Variants in MYBPC2 observed in about 807,000 individuals in gnomAD.
MYBPC2 encodes myosin-binding protein C, fast-type.
Under a neutral mutation model 137.0 loss-of-function variants are expected in MYBPC2, and 122 were observed. The observed-to-expected ratio is 0.89, with a 90% CI of 0.77 to 1.03. MYBPC2 has a LOEUF of 1.03. MYBPC2 is among the 50% of genes least tolerant of loss of function. MYBPC2 has a pLI of 0.00. For synonymous variants in MYBPC2, 626 were observed against 612.3 expected, an observed-to-expected ratio of 1.02 and a Z score of -0.33; for missense variants, 1,500 against 1,534.4, an observed-to-expected ratio of 0.98 and a Z score of 0.37.
rs766331847 is a variant in MYBPC2, at chr19:50,466,163, C to G, written c.3416-32C>G. On this transcript the variant is annotated intron_variant, in intron 27 of 27. Transcript: ENST00000357701. The surrounding 1 kb of genome is among the most constrained non-coding windows in gnomAD (Gnocchi z 4.9). ...GGCTTCAGGAGGAGGCGTGCCCGGG[C>G]CTGGCTCACCCGCTTTCTCGTTTTC... 6.2e-7 allele frequency: 1 copy of G among 1,613,318 alleles called. No individual in the cohort carries two copies. The highest frequency in any genetic ancestry group is 1.3e-5 in the African/African-American group (1 of 74,890).
chr19:50,448,391 G>C lies in MYBPC2; in HGVS notation c.1472+1G>C. 6.2e-7 allele frequency: 1 copy of C among 1,613,328 alleles called. No individual in the cohort carries two copies. Among genetic ancestry groups the C allele is most frequent in the Non-Finnish European group, 8.5e-7 (1 of 1,179,408 alleles). Reference sequence around the variant, plus strand: ...GGATCACCATTTCCCATGTAGGCAGGTGAGGAGTGGGCTGCAGAAGTGGCT... The same window carrying C: ...GGATCACCATTTCCCATGTAGGCAGCTGAGGAGTGGGCTGCAGAAGTGGCT... On this transcript the variant is annotated splice_donor_variant, in intron 13 of 27. Transcript: ENST00000357701. LOFTEE classifies it high-confidence loss of function.
rs868504092 is a variant in MYBPC2 at position 50,442,196 on chromosome 19, TG to T, written c.787del (p.Asp263IlefsTer14). 6.3e-7 allele frequency: 1 copy of T among 1,595,632 alleles called. No homozygotes were observed. Among genetic ancestry groups the T allele is most frequent in the African/African-American group, 1.3e-5 (1 of 74,498 alleles). ...VKKSAAFTKK[L>X]DPAYQVDRGN... ...CAATCTTCAGCATTCACAAAGAAGC[TG>T]GATCCAGCCTACCAAGTGGACAGAG... On this transcript the variant is annotated frameshift_variant, in exon 9 of 28. Coordinates refer to ENST00000357701, the MANE Select transcript of MYBPC2 (RefSeq NM_004533.4). LOFTEE classifies it high-confidence loss of function.
chr19:50,437,671 G>T lies in MYBPC2; in HGVS notation c.525G>T (p.Lys175Asn). 1.2e-6 allele frequency: 2 copies of T among 1,604,834 alleles called. No individual in the cohort carries two copies. Among genetic ancestry groups the T allele is most frequent in the Non-Finnish European group, 1.7e-6 (2 of 1,175,592 alleles). Reference protein sequence around the residue: ...LESFKRTSEKKSDTAGELDFS... With the variant: ...LESFKRTSEKNSDTAGELDFS... ...TCAATGGCCACAGGAGTGAAAAGAA[G>T]TCGGATACTGCAGGTGAGCTGGATT... Residue 175 changes from lysine (K) to asparagine (N), a missense_variant, in exon 7 of 28, where the codon AAG becomes AAT. By Grantham distance (94) the Lys-to-Asn change is moderately conservative (BLOSUM62 0). Coordinates refer to ENST00000357701, the MANE Select transcript of MYBPC2 (RefSeq NM_004533.4).
intron 6 of MYBPC2, 64 bp downstream of exon 6, chr19:50,437,585 A>T: frequency 6.3e-7 from 1 of 1,589,232 alleles, no homozygotes. Context: ...TTGGAAGGGG[A>T]AAAAGGGAGG....
Position 50,436,721 on chromosome 19 carries a change from CA to C in MYBPC2, c.451del (p.Ile151SerfsTer15). The C allele has an allele frequency of 6.2e-7, 1 of 1,613,840 alleles. No individual in the cohort carries two copies. The highest frequency in any genetic ancestry group is 2.2e-5 in the East Asian group (1 of 44,876). ...ACACCTGTGACAGCTGTGGCTTCAA[CA>C]TCGATGTGGAGGGTATGCTGGTGGG... is the stretch of plus-strand genomic sequence containing the variant. ...KDTCDSCGFN[I>X]DVEAPRQDAS... is the part of the protein sequence containing the mutation. On this transcript the variant is annotated frameshift_variant, in exon 5 of 28. Transcript: ENST00000357701. LOFTEE classifies it high-confidence loss of function.
At chr19:50,440,052 T>G (rs2039736875) in intron 7 of MYBPC2, among the ~76,000 whole-genome samples, 1 of 151,950 alleles carries the variant, frequency 6.6e-6, no homozygotes, top group South Asian at 2.1e-4. Context: ...CAGGTGACTT[T>G]GGGGGGAGTG....
At chr19:50,463,233 G>A (rs972291467) in intron 26 of MYBPC2, among the ~76,000 whole-genome samples, 5 of 152,158 alleles carry the variant, frequency 3.3e-5, no homozygotes, top group African/African-American at 9.7e-5. Context: ...TGCGTGGCTC[G>A]CGTTCCAGGC....
intron 14 of MYBPC2, 41 bp downstream of exon 14, chr19:50,450,976 C>G (rs1361955340): frequency 6.6e-7 from 1 of 1,525,110 alleles, no homozygotes; most frequent in Non-Finnish European, 8.9e-7. Flanking sequence ...GCTGTAGGAT[C>G]CACCCTCGCA....
chr19:50,434,599 G>A (rs900113176), intron 1 of MYBPC2, among the ~76,000 whole-genome samples: 1 of 152,182 alleles, frequency 6.6e-6, no homozygotes, highest in Admixed American at 6.5e-5. Flanking sequence ...TTCTTTGAAT[G>A]GGGAACACTT....
intron 27 of MYBPC2, 77 bp downstream of exon 27, chr19:50,464,609 G>A (rs1018273866): frequency 1.9e-5 from 27 of 1,437,866 alleles, no homozygotes; most frequent in African/African-American, 4.3e-5. Flanking sequence ...GCCCCGGGCT[G>A]AGCACCGCTG....
intron 15 of MYBPC2, 54 bp downstream of exon 15, chr19:50,451,363 G>A (rs2039856043): frequency 1.3e-6 from 2 of 1,588,066 alleles, no homozygotes; most frequent in Admixed American, 1.7e-5. Context: ...GGACCGGGCT[G>A]AGGGAGGAGG....
At chr19:50,442,366 A>G (rs2039764281) in intron 9 of MYBPC2, 53 bp downstream of exon 9, 3 of 1,580,060 alleles carry the variant, frequency 1.9e-6, no homozygotes, top group Non-Finnish European at 2.6e-6. Context: ...TCCAGAGAGA[A>G]CGCCCGGAGA....
intron 1 of MYBPC2, among the ~76,000 whole-genome samples, chr19:50,434,659 T>G (rs955490859): frequency 1.3e-4 from 20 of 152,212 alleles, no homozygotes; most frequent in African/African-American, 4.3e-4. Context: ...GCAGGAATCA[T>G]GCACCGCTGG....
intron 27 of MYBPC2, 27 bp downstream of exon 27, chr19:50,464,559 G>A (rs1164998707): frequency 6.3e-7 from 1 of 1,576,704 alleles, no homozygotes; most frequent in South Asian, 1.2e-5. Context: ...CCCCAACACT[G>A]GCTGACCCTT....
chr19:50,450,883 G>T lies in MYBPC2; in HGVS notation c.1527G>T (p.Thr509=), dbSNP rs200711489. 1.1e-5 allele frequency: 18 copies of T among 1,580,302 alleles called. No homozygotes were observed. Among genetic ancestry groups the T allele is most frequent in the Non-Finnish European group, 1.5e-5 (17 of 1,163,504 alleles). Residue 509 remains threonine (T), a synonymous_variant, in exon 14 of 28, where the codon ACG becomes ACT. Coordinates refer to ENST00000357701, the MANE Select transcript of MYBPC2 (RefSeq NM_004533.4). ...GCCCCGAGGATGAGGGAGACTACACGTTTGTGCCTGACGGCTACGCCCTGT... is the reference window on the plus strand; with the variant it reads ...GCCCCGAGGATGAGGGAGACTACACTTTTGTGCCTGACGGCTACGCCCTGT... ...DVRPEDEGDY[T]FVPDGYALSL... is the part of the protein sequence containing the mutation.
In MYBPC2 at chr19:50,458,623, A is replaced by G. The variant is rs765301784; in HGVS notation, c.2375A>G (p.Glu792Gly). Residue 792 changes from glutamate to glycine, a missense_variant, in exon 21 of 28, where the codon GAG (glutamate) becomes GGG (glycine). Physicochemically the swap from Glu to Gly is moderately conservative, Grantham distance 98. Transcript: ENST00000357701. ...GTCCCTGCCAACACCGAGCCCGTGGAGCGCTGTGGCTTCACCGTCAAGAAT... is the reference window on the plus strand; with the variant it reads ...GTCCCTGCCAACACCGAGCCCGTGGGGCGCTGTGGCTTCACCGTCAAGAAT... ...EWVPANTEPVERCGFTVKNLP... is the reference protein window; with the variant it reads ...EWVPANTEPVGRCGFTVKNLP... The G allele has an allele frequency of 6.2e-7, 1 of 1,612,722 alleles. No individual in the cohort carries two copies. The highest frequency in any genetic ancestry group is 2.2e-5 in the East Asian group (1 of 44,870).
At chr19:50,449,705 A>G (rs1164916442) in intron 13 of MYBPC2, among the ~76,000 whole-genome samples, 1 of 152,220 alleles carries the variant, frequency 6.6e-6, no homozygotes, top group East Asian at 1.9e-4. Flanking sequence ...GCACGTGGAC[A>G]CCTAAGACAA....
intron 24 of MYBPC2, among the ~76,000 whole-genome samples, chr19:50,460,968 G>C (rs1215811392): frequency 1.3e-5 from 2 of 151,516 alleles, no homozygotes; most frequent in Admixed American, 1.3e-4. Flanking sequence ...TGGGATTACA[G>C]GCATGAGCCA....
At position 50,465,636 on chromosome 19, in the gene MYBPC2, G is replaced by A. The variant is rs1430589133; in HGVS notation, c.3416-559G>A. ...GCAGGCGAGTTGCTTGAGCCCAGGA[G>A]TTCAAGACCAGCCTGGGCAACATGG... On this transcript the variant is annotated intron_variant, in intron 27 of 27. Transcript: ENST00000357701. This position sits in a 1 kb window ranked among gnomAD's most constrained non-coding sequence, Gnocchi z 4.5. 6.6e-6 allele frequency among the ~76,000 whole-genome samples: 1 copy of A among 152,284 alleles called. No individual in the cohort carries two copies. Among genetic ancestry groups the A allele is most frequent in the East Asian group, 1.9e-4 (1 of 5,168 alleles).
Sources: gnomAD v4.1 joint callset for allele counts (sites outside exome capture counted in the v4.1 genomes callset) on GRCh38, gnomAD v4.1.1 for gene constraint, Gnocchi (gnomAD v3.1) non-coding constraint, MANE v1.5 for transcripts, NCBI Gene and HGNC (gene_info 2026-07-23, HGNC 2026-07-21) for gene names.